Variants in SV2C observed in about 807,000 individuals in gnomAD.
SV2C encodes the protein synaptic vesicle glycoprotein 2C.
SV2C carries 49 observed loss-of-function variants against 79.7 expected under a neutral mutation model. The observed-to-expected ratio is 0.61, with a 90% confidence interval of 0.49 to 0.78. The LOEUF (loss-of-function observed/expected upper bound fraction) is 0.78, where lower values mean the gene tolerates loss of function less well. Among genes scored for constraint, SV2C ranks in the 30% least tolerant of loss-of-function variants. The probability of loss-of-function intolerance (pLI) is 0.00; values close to 1 mark genes in which losing one functional copy is unlikely to be tolerated. For missense variants in SV2C, 833 were observed against 912.9 expected, an observed-to-expected ratio of 0.91 and a Z score of 1.13; for synonymous variants, 334 against 333.2, an observed-to-expected ratio of 1.00 and a Z score of -0.03.
rs759800392 is a variant in SV2C, at chr5:76,291,229, A to G, written c.1146A>G (p.Lys382=). 2 of 1,610,714 alleles carry G rather than the reference A, an allele frequency of 1.2e-6. No individual in the cohort carries two copies. Among genetic ancestry groups the G allele is most frequent in the African/African-American group, 2.7e-5 (2 of 74,752 alleles). Residue 382 remains lysine, a synonymous_variant, in exon 7 of 13, where the codon AAA becomes AAG. Transcript: ENST00000502798. ...TCTGTTTCTCTCTACAGGTAAACAA[A>G]ATAAAAACTCCTAAACAAATAGATG... ...GQPEKVFTVN[K]IKTPKQIDEL...
At chr5:76,044,962 TTTA>T in the SV2C span, among the ~76,000 whole-genome samples, 1 of 152,218 alleles carries the variant, frequency 6.6e-6, no homozygotes, top group Non-Finnish European at 1.5e-5. Context: ...GCAATTGCTT[TTTA>T]TGTTTTCATC....
At chr5:76,299,241 G>A (rs1747894419) in intron 10 of SV2C, among the ~76,000 whole-genome samples, 1 of 152,152 alleles carries the variant, frequency 6.6e-6, no homozygotes, top group Non-Finnish European at 1.5e-5. Flanking sequence ...TTCAAAATCT[G>A]GTGTTTGTTT....
chr5:76,010,004 T>G, the SV2C span, among the ~76,000 whole-genome samples: 15 of 148,954 alleles, frequency 1.0e-4, no homozygotes, highest in Admixed American at 1.3e-4. Flanking sequence ...TTTTTTTTTT[T>G]TTTTTTTTTG....
chr5:76,155,120 T>G (rs1742680678), intron 2 of SV2C, among the ~76,000 whole-genome samples: 1 of 152,238 alleles, frequency 6.6e-6, no homozygotes, highest in African/African-American at 2.4e-5. Context: ...TGGCTATTTG[T>G]GGAGCCATCT....
intron 1 of SV2C, among the ~76,000 whole-genome samples, chr5:76,109,995 C>T (rs1748048769): frequency 6.6e-6 from 1 of 152,112 alleles, no homozygotes. Flanking sequence ...AATAGAATAA[C>T]AATTAGTGGT....
the SV2C span, among the ~76,000 whole-genome samples, chr5:76,074,413 G>A: frequency 1.3e-5 from 2 of 152,056 alleles, no homozygotes; most frequent in African/African-American, 2.4e-5. Context: ...CATTTTCTGA[G>A]TGACAAAAAC....
chr5:76,216,774 T>A (rs1374545904), intron 4 of SV2C, among the ~76,000 whole-genome samples: 1 of 152,182 alleles, frequency 6.6e-6, no homozygotes, highest in Non-Finnish European at 1.5e-5. Context: ...CACTCTGTAA[T>A]AATCAGGACA....
chr5:76,118,735 A>G (rs1454570644), intron 1 of SV2C, among the ~76,000 whole-genome samples: 1 of 152,206 alleles, frequency 6.6e-6, no homozygotes, highest in Non-Finnish European at 1.5e-5. Flanking sequence ...TAATCCCAGC[A>G]CTTTGGGAGG....
At chr5:75,984,567 A>C in the SV2C span, among the ~76,000 whole-genome samples, 8,136 of 102,740 alleles carry the variant, frequency 0.079, 306 homozygotes, top group East Asian at 0.19. Flanking sequence ...CTATCTATCT[A>C]TATCTATCTA....
intron 4 of SV2C, among the ~76,000 whole-genome samples, chr5:76,258,724 TGTACA>T (rs1746375112): frequency 6.6e-6 from 1 of 152,184 alleles, no homozygotes; most frequent in African/African-American, 2.4e-5. Context: ...GAATCTTAAG[TGTACA>T]GTTCAATGGA....
the SV2C span, among the ~76,000 whole-genome samples, chr5:76,035,271 G>A: frequency 2.0e-5 from 3 of 151,090 alleles, no homozygotes; most frequent in Non-Finnish European, 4.4e-5. Flanking sequence ...TCTGATCTTA[G>A]TTATATCTTG....
chr5:75,945,165 T>C, the SV2C span, among the ~76,000 whole-genome samples: 3 of 152,096 alleles, frequency 2.0e-5, no homozygotes, highest in African/African-American at 7.2e-5. Flanking sequence ...AAGTTCCCAG[T>C]AGAGAGGTAG....
chr5:75,950,136 G>A, the SV2C span, among the ~76,000 whole-genome samples: 1 of 151,986 alleles, frequency 6.6e-6, no homozygotes, highest in South Asian at 2.1e-4. Context: ...GTGTTTATAC[G>A]CATTGCAAAA....
chr5:75,905,710 G>T, the SV2C span, among the ~76,000 whole-genome samples: 6 of 151,888 alleles, frequency 4.0e-5, no homozygotes, highest in Non-Finnish European at 8.8e-5. Flanking sequence ...CTTATCATCA[G>T]GGCCTCCCTG....
At chr5:76,284,533 A>G (rs1260010642) in intron 4 of SV2C, among the ~76,000 whole-genome samples, 1 of 152,150 alleles carries the variant, frequency 6.6e-6, no homozygotes, top group Non-Finnish European at 1.5e-5. Context: ...AGCACCCTGG[A>G]TCCACCTGTG....
At chr5:75,887,194 A>T in the SV2C span, among the ~76,000 whole-genome samples, 3 of 152,120 alleles carry the variant, frequency 2.0e-5, no homozygotes, top group Non-Finnish European at 2.9e-5. Context: ...TACCTCAGAG[A>T]TTTATCATTT....
chr5:76,071,869 A>G, the SV2C span, among the ~76,000 whole-genome samples: 1 of 152,240 alleles, frequency 6.6e-6, no homozygotes, highest in African/African-American at 2.4e-5. Context: ...ATAGAACTCA[A>G]TGCATTAATA....
chr5:76,249,633 A>C (rs1189532103), intron 4 of SV2C, among the ~76,000 whole-genome samples: 2 of 152,228 alleles, frequency 1.3e-5, no homozygotes, highest in Non-Finnish European at 2.9e-5. Flanking sequence ...ATTTAACAAA[A>C]ATATACTGAA....
At chr5:76,142,270 T>A (rs988639033) in intron 2 of SV2C, among the ~76,000 whole-genome samples, 1 of 152,246 alleles carries the variant, frequency 6.6e-6, no homozygotes, top group African/African-American at 2.4e-5. Flanking sequence ...TTGAGGTCTC[T>A]AATCAAATTG....
Sources: gnomAD v4.1 joint callset for allele counts (sites outside exome capture counted in the v4.1 genomes callset) on GRCh38, gnomAD v4.1.1 for gene constraint, MANE v1.5 for transcripts, NCBI Gene and HGNC (gene_info 2026-07-23, HGNC 2026-07-21) for gene names.